The following GALNT13 variants were observed in gnomAD, a reference collection of about 807,000 sequenced individuals.
GALNT13 encodes polypeptide N-acetylgalactosaminyltransferase 13, also known as UDP-GalNAc:polypeptide N-acetylgalactosaminyltransferase 13.
A neutral mutation model predicts 64.2 loss-of-function variants in GALNT13; 28 were observed. That is an observed-to-expected ratio of 0.44 (90% confidence interval 0.32 to 0.60). GALNT13 has a LOEUF of 0.60. Ranked by LOEUF, GALNT13 falls within the 20% of genes least tolerant of loss-of-function variation. The pLI is 0.05. For synonymous variants in GALNT13, 214 were observed against 224.6 expected (o/e 0.95, Z 0.42); for missense variants, 577 against 669.8 (o/e 0.86, Z 1.53).
chr2:153,410,473 A>G, the GALNT13 span, among the ~76,000 whole-genome samples: 1 of 152,198 alleles, frequency 6.6e-6, no homozygotes, highest in Admixed American at 6.5e-5. Context: ...TCAACAAGCA[A>G]TGAGCTTTGA....
the GALNT13 span, among the ~76,000 whole-genome samples, chr2:153,130,271 G>T: frequency 2.6e-5 from 4 of 152,184 alleles, no homozygotes; most frequent in South Asian, 8.3e-4. Flanking sequence ...GGCAAGATCA[G>T]CCACTCCTCT....
the GALNT13 span, among the ~76,000 whole-genome samples, chr2:153,863,683 A>G: frequency 6.6e-6 from 1 of 152,216 alleles, no homozygotes; most frequent in East Asian, 1.9e-4. Context: ...TGAATTATTC[A>G]TAAGCTTTAA....
At chr2:153,979,039 C>T (rs775718989) in intron 3 of GALNT13, among the ~76,000 whole-genome samples, 10 of 152,080 alleles carry the variant, frequency 6.6e-5, no homozygotes, top group Non-Finnish European at 4.4e-5. Context: ...GTTACATCTA[C>T]AGAAAATTTT....
chr2:153,080,358 G>A, the GALNT13 span, among the ~76,000 whole-genome samples: 1 of 151,998 alleles, frequency 6.6e-6, no homozygotes. Flanking sequence ...CCTGTCATAG[G>A]TTCAGATGTT....
At chr2:154,357,829 G>C (rs1696836439) in intron 9 of GALNT13, among the ~76,000 whole-genome samples, 1 of 151,930 alleles carries the variant, frequency 6.6e-6, no homozygotes, top group Non-Finnish European at 1.5e-5. Flanking sequence ...GGATAATGAT[G>C]GTTTGCAGCT....
chr2:154,209,828 A>G (rs1249078373), intron 4 of GALNT13, among the ~76,000 whole-genome samples: 1 of 152,188 alleles, frequency 6.6e-6, no homozygotes, highest in Non-Finnish European at 1.5e-5. Flanking sequence ...ATTAACATAT[A>G]AACCACCTAA....
chr2:154,117,122 C>G (rs1241479009), intron 3 of GALNT13, among the ~76,000 whole-genome samples: 2 of 152,036 alleles, frequency 1.3e-5, no homozygotes, highest in African/African-American at 2.4e-5. Flanking sequence ...GCTTTATATT[C>G]TAGCCACACT....
At chr2:153,817,690 T>G in the GALNT13 span, among the ~76,000 whole-genome samples, 1 of 152,182 alleles carries the variant, frequency 6.6e-6, no homozygotes, top group Admixed American at 6.5e-5. Context: ...ATGTCCTGAG[T>G]AAAGTCTTTC....
intron 3 of GALNT13, among the ~76,000 whole-genome samples, chr2:154,033,335 A>G (rs1020972937): frequency 3.9e-5 from 6 of 152,016 alleles, no homozygotes; most frequent in Non-Finnish European, 8.8e-5. Context: ...TAAGAATATA[A>G]ATTTTTGCTC....
chr2:153,952,686 G>T (rs1352752517), intron 3 of GALNT13, among the ~76,000 whole-genome samples: 1 of 152,070 alleles, frequency 6.6e-6, no homozygotes, highest in Non-Finnish European at 1.5e-5. Context: ...GTTTATTAAG[G>T]AGTATTGACT....
At chr2:153,435,307 G>T in the GALNT13 span, among the ~76,000 whole-genome samples, 2 of 152,150 alleles carry the variant, frequency 1.3e-5, no homozygotes, top group Non-Finnish European at 2.9e-5. Context: ...ACTTGGCGAT[G>T]CAGGCTCTTT....
Position 154,147,087 on chromosome 2 carries a change from G to C in GALNT13, c.311+6582G>C, listed in dbSNP as rs548534758. ...GGAAAGGTTTTTCTCTTCCCTGTAAGTGAATTTACATTGTTGTGCAATGAA... is the reference window on the plus strand; with the variant it reads ...GGAAAGGTTTTTCTCTTCCCTGTAACTGAATTTACATTGTTGTGCAATGAA... On this transcript the variant is annotated intron_variant, in intron 4 of 12. Coordinates refer to ENST00000392825, the MANE Select transcript of GALNT13 (RefSeq NM_052917.4). Among the ~76,000 whole-genome samples the C allele has an allele frequency of 1.2e-3, 188 of 152,064 alleles. 2 individuals are homozygous for C. The highest frequency in any genetic ancestry group is 3.7e-3 in the Admixed American group (56 of 15,236).
At chr2:153,447,001 A>C in the GALNT13 span, 5 of 152,224 alleles carry the variant, frequency 3.3e-5, no homozygotes, top group Admixed American at 2.6e-4. Context: ...ATATACATAG[A>C]CACACATATT....
intron 4 of GALNT13, among the ~76,000 whole-genome samples, chr2:154,217,961 C>A (rs781131337): frequency 1.4e-4 from 21 of 152,132 alleles, no homozygotes; most frequent in Non-Finnish European, 2.5e-4. Context: ...GCTTAAATGA[C>A]AGGAAAAGAT....
chr2:154,253,505 T>C (rs1690200763), intron 7 of GALNT13, among the ~76,000 whole-genome samples: 1 of 152,172 alleles, frequency 6.6e-6, no homozygotes, highest in Admixed American at 6.5e-5. Context: ...AATTCTAAAA[T>C]ACTATCACAA....
At chr2:154,131,044 G>T (rs1469855957) in intron 3 of GALNT13, among the ~76,000 whole-genome samples, 2 of 152,128 alleles carry the variant, frequency 1.3e-5, no homozygotes, top group Non-Finnish European at 1.5e-5. Flanking sequence ...GTATAAAGCT[G>T]AAACTAAGGC....
the GALNT13 span, among the ~76,000 whole-genome samples, chr2:153,682,328 G>A: frequency 6.6e-6 from 1 of 151,518 alleles, no homozygotes; most frequent in Non-Finnish European, 1.5e-5. Flanking sequence ...TATCGTAGTC[G>A]TATTTTCCTC....
the GALNT13 span, among the ~76,000 whole-genome samples, chr2:153,438,535 T>G: frequency 6.6e-6 from 1 of 151,938 alleles, no homozygotes; most frequent in Non-Finnish European, 1.5e-5. Context: ...CTTTTTATTC[T>G]TTTTTCTCTA....
intron 4 of GALNT13, among the ~76,000 whole-genome samples, chr2:154,164,838 T>C (rs998749128): frequency 2.0e-5 from 3 of 152,096 alleles, no homozygotes; most frequent in African/African-American, 7.2e-5. Context: ...ACCAGGTTTA[T>C]AAAAACTAAA....
Sources: gnomAD v4.1 joint callset for allele counts (sites outside exome capture counted in the v4.1 genomes callset) on GRCh38, gnomAD v4.1.1 for gene constraint, MANE v1.5 for transcripts, NCBI Gene and HGNC (gene_info 2026-07-23, HGNC 2026-07-21) for gene names.